The following RTKN variants were observed in gnomAD, a reference collection of about 807,000 sequenced individuals.
The protein encoded by RTKN is rhotekin.
RTKN carries 49 observed loss-of-function variants against 63.5 expected under a neutral mutation model. That is an observed-to-expected ratio of 0.77 (90% CI 0.61 to 0.98). RTKN has a LOEUF of 0.98. RTKN is among the 50% of genes least tolerant of loss of function. The pLI is 0.00. For synonymous variants in RTKN, 295 were observed against 290.4 expected, an observed-to-expected ratio of 1.02 and a Z score of -0.16; for missense variants, 685 against 740.8, an observed-to-expected ratio of 0.92 and a Z score of 0.87.
chr2:74,429,288 T>C (rs1223098698), intron 6 of RTKN, among the ~76,000 whole-genome samples: 1 of 152,090 alleles, frequency 6.6e-6, no homozygotes, highest in Non-Finnish European at 1.5e-5. Flanking sequence ...CCAAAATCAG[T>C]ATTCTGTTCA....
chr2:74,432,108 T>C (rs1416098745), intron 2 of RTKN: 28 of 390,916 alleles, frequency 7.2e-5, no homozygotes, highest in South Asian at 2.2e-5. Flanking sequence ...ATGTGGTAAA[T>C]TGGTGATTTT....
rs1373350352 is a variant in RTKN, at chr2:74,432,500, T to C, written c.278A>G (p.Lys93Arg). The change falls in exon 2 of 12, where the codon AAG (lysine) becomes AGG (arginine). Residue 93 changes from lysine to arginine, a missense_variant. Coordinates refer to ENST00000272430, the MANE Select transcript of RTKN (RefSeq NM_001015055.2). ...LSYMGELQRR[K>R]EAQVLGKTSR... ...TGTCTTCCCCAGCACCTGCGCCTCCTTGCGCCGCTGCAGCTCGCCCATGTA... is the reference window on the plus strand; with the variant it reads ...TGTCTTCCCCAGCACCTGCGCCTCCCTGCGCCGCTGCAGCTCGCCCATGTA... 1.9e-6 allele frequency: 3 copies of C among 1,612,428 alleles called. No homozygotes were observed. The highest frequency in any genetic ancestry group is 1.7e-6 in the Non-Finnish European group (2 of 1,180,018).
At chr2:74,440,355 C>A (rs990475489) in intron 1 of RTKN, 5 of 986,188 alleles carry the variant, frequency 5.1e-6, no homozygotes, top group South Asian at 4.7e-5. Flanking sequence ...ACAATTACCT[C>A]GCTTTTCCAG....
At chr2:74,439,861 G>A (rs1671259411) in intron 1 of RTKN, 9 of 1,354,052 alleles carry the variant, frequency 6.6e-6, no homozygotes, top group Middle Eastern at 5.6e-4. Context: ...GAGCCAGGCA[G>A]GGAAGAAAAA....
rs1004663097 is a variant in RTKN at position 74,428,144 on chromosome 2, G to A, written c.1086+124C>T. The A allele has an allele frequency of 3.2e-6, 4 of 1,247,218 alleles. No homozygotes were observed. The Admixed American group carries it at 7.7e-5, about 24-fold the overall frequency. The allele number at this position is 1,247,218 out of a possible 1,614,324, so 77.3% of individuals were successfully genotyped here. On this transcript the variant is annotated intron_variant, in intron 9 of 11. Coordinates refer to ENST00000272430, the MANE Select transcript of RTKN (RefSeq NM_001015055.2). ...AATACGGGCCCCTGAAGCTGGATGT[G>A]GCACTGTCAGGAGCAGGAGGCCTGC...
In RTKN at chr2:74,426,450, G is replaced by A. The variant is rs754406532; in HGVS notation, c.1485C>T (p.Pro495=). 3.1e-6 allele frequency: 5 copies of A among 1,612,258 alleles called. No individual in the cohort carries two copies. In the East Asian group the frequency reaches 8.9e-5, roughly 29 times the overall value. The change falls in exon 12 of 12, where the codon CCC becomes CCT. Residue 495 remains proline, a synonymous_variant. Coordinates refer to ENST00000272430, the MANE Select transcript of RTKN (RefSeq NM_001015055.2). The stretch of plus-strand genomic sequence containing the variant: ...CTGGGGCCACTGAGGCAGGCGAGCA[G>A]GGGTTAGGCAGGGCAGGCTGGTCTG... ...MFTDQPALPN[P]CSPASVAPAP...
intron 1 of RTKN, chr2:74,440,142 T>C: frequency 2.2e-6 from 1 of 444,952 alleles, no homozygotes; most frequent in South Asian, 8.3e-5. Flanking sequence ...TCTAGAGTCA[T>C]GGGGTTTGCA....
rs1442828840 is a variant in RTKN, at chr2:74,432,523, G to A, written c.255C>T (p.Tyr85=). The change falls in exon 2 of 12, where the codon TAC becomes TAT. Residue 85 remains tyrosine (Y), a synonymous_variant. Coordinates refer to ENST00000272430, the MANE Select transcript of RTKN (RefSeq NM_001015055.2). ...LLVCNSRILS[Y]MGELQRRKEA... ...CCTTGCGCCGCTGCAGCTCGCCCAT[G>A]TAGCTGAGGATGCGGCTGTTGCACA... 9.3e-6 allele frequency: 15 copies of A among 1,613,760 alleles called. No individual in the cohort carries two copies. The East Asian group carries it at 2.9e-4, about 31-fold the overall frequency.
chr2:74,441,247 G>A (rs566058565), intron 1 of RTKN, among the ~76,000 whole-genome samples: 17 of 152,318 alleles, frequency 1.1e-4, no homozygotes, highest in African/African-American at 3.4e-4. Context: ...AGCGGCCCCG[G>A]CCTAAAGTCG....
At position 74,427,182 on chromosome 2, in the gene RTKN, C is replaced by A; in HGVS notation, c.1347G>T (p.Leu449Phe). The A allele has an allele frequency of 1.2e-6, 2 of 1,614,014 alleles. No individual in the cohort carries two copies. The highest frequency in any genetic ancestry group is 1.7e-6 in the Non-Finnish European group (2 of 1,179,882). ...PPQALAKQGS[L>F]YHEMAIEPLD... ...CCTCTCACTTACCCATCTCATGGTA[C>A]AAGGACCCCTGCTTTGCCAGTGCTT... The change falls in exon 11 of 12, where the codon TTG (leucine) becomes TTT (phenylalanine). Residue 449 changes from leucine to phenylalanine, a missense_variant. Coordinates refer to ENST00000272430, the MANE Select transcript of RTKN (RefSeq NM_001015055.2).
chr2:74,433,675 A>C (rs1670894748), intron 1 of RTKN, among the ~76,000 whole-genome samples: 1 of 152,034 alleles, frequency 6.6e-6, no homozygotes, highest in Non-Finnish European at 1.5e-5. Context: ...TTGTATTTTT[A>C]GTAGAGACGG....
At chr2:74,438,688 C>T (rs369398141) in intron 1 of RTKN, among the ~76,000 whole-genome samples, 4 of 152,310 alleles carry the variant, frequency 2.6e-5, no homozygotes, top group East Asian at 3.9e-4. Flanking sequence ...ATATATTACC[C>T]TCATCCTCAT....
intron 1 of RTKN, among the ~76,000 whole-genome samples, chr2:74,433,709 G>A (rs1487717077): frequency 6.6e-6 from 1 of 152,118 alleles, no homozygotes; most frequent in East Asian, 1.9e-4. Flanking sequence ...TAACCGGGAT[G>A]GTCTCGATCT....
Position 74,441,829 on chromosome 2 carries a change from G to C in RTKN, c.-13C>G. 6.3e-7 allele frequency: 1 copy of C among 1,580,872 alleles called. No individual in the cohort carries two copies. The highest frequency in any genetic ancestry group is 8.6e-7 in the Non-Finnish European group (1 of 1,156,798). ...TTCGGGAGAACATGCTGGCGGCCCT[G>C]CGACTTTGCCTGCTCAGTGCGCTCC... is the stretch of plus-strand genomic sequence containing the variant. On this transcript the variant is annotated 5_prime_UTR_variant, in exon 1 of 12. Coordinates refer to ENST00000272430, the MANE Select transcript of RTKN (RefSeq NM_001015055.2).
chr2:74,432,634 C>T lies in RTKN; in HGVS notation c.144G>A (p.Glu48=), dbSNP rs761559590. The change falls in exon 2 of 12, where the codon GAG becomes GAA. Residue 48 remains glutamate, a synonymous_variant. Coordinates refer to ENST00000272430, the MANE Select transcript of RTKN (RefSeq NM_001015055.2). ...TACAGGCCCCTTCCCTCATCCGGATCTCATGGTCTAGCTTCCTCTGCAACT... is the reference window on the plus strand; with the variant it reads ...TACAGGCCCCTTCCCTCATCCGGATTTCATGGTCTAGCTTCCTCTGCAACT... ...DTELQRKLDH[E]IRMREGACKL... 120 of 1,614,086 alleles carry T rather than the reference C, an allele frequency of 7.4e-5. No individual in the cohort carries two copies. Among genetic ancestry groups the T allele is most frequent in the Middle Eastern group, 1.6e-4 (1 of 6,084 alleles).
chr2:74,430,630 C>T lies in RTKN; in HGVS notation c.359G>A (p.Arg120Gln), dbSNP rs374566536. Reference sequence around the variant, plus strand: ...GTGCTTCTTACCAGAGATGCAGACCCGGCCGCGGCAGGGGGAGCGCTCAGC... The same window carrying T: ...GTGCTTCTTACCAGAGATGCAGACCTGGCCGCGGCAGGGGGAGCGCTCAGC... The part of the protein sequence containing the change: ...PPAERSPCRG[R>Q]VCISDLRIPL... The change falls in exon 3 of 12, where the codon CGG becomes CAG. Residue 120 changes from arginine to glutamine, a missense_variant. Physicochemically the swap from Arg to Gln is conservative, Grantham distance 43. Coordinates refer to ENST00000272430, the MANE Select transcript of RTKN (RefSeq NM_001015055.2). 49 of 1,613,762 alleles carry T rather than the reference C, an allele frequency of 3.0e-5. No individual in the cohort carries two copies. The highest frequency in any genetic ancestry group is 1.3e-4 in the East Asian group (6 of 44,888).
intron 1 of RTKN, 62 bp downstream of exon 1, chr2:74,441,644 G>T: frequency 8.1e-7 from 1 of 1,232,388 alleles, no homozygotes; most frequent in Non-Finnish European, 1.2e-6. Context: ...GAAGGAGGCC[G>T]AGGTGGCTGG....
chr2:74,433,908 G>A (rs1670907303), intron 1 of RTKN, among the ~76,000 whole-genome samples: 1 of 152,110 alleles, frequency 6.6e-6, no homozygotes, highest in Non-Finnish European at 1.5e-5. Flanking sequence ...AAAGAGATAT[G>A]CACATGTATG....
chr2:74,426,422 G>T lies in RTKN; in HGVS notation c.1513C>A (p.Pro505Thr). 1 of 1,612,394 alleles carries T rather than the reference G, an allele frequency of 6.2e-7. No individual in the cohort carries two copies. The highest frequency in any genetic ancestry group is 8.5e-7 in the Non-Finnish European group (1 of 1,179,336). The change falls in exon 12 of 12, where the codon CCA (proline) becomes ACA (threonine). Residue 505 changes from proline (P) to threonine (T), a missense_variant. Coordinates refer to ENST00000272430, the MANE Select transcript of RTKN (RefSeq NM_001015055.2). ...CAGGGCAGGGGGTGGGTCCAGTCTG[G>T]GGCTGGGGCCACTGAGGCAGGCGAG... The part of the protein sequence containing the change: ...PCSPASVAPA[P>T]DWTHPLPWGR...
Sources: allele counts gnomAD v4.1 joint callset (sites outside exome capture counted in the v4.1 genomes callset), GRCh38; gene constraint gnomAD v4.1.1; transcripts MANE v1.5; gene names NCBI Gene and HGNC (gene_info 2026-07-23, HGNC 2026-07-21).